NOP2: variants seen among roughly 807,000 people sequenced by gnomAD.
NOP2 encodes the protein NOP2 nucleolar protein.
A neutral mutation model predicts 72.7 loss-of-function variants in NOP2; 7 were observed. The ratio of observed to expected loss-of-function variants is 0.10; its 90% CI spans 0.05 to 0.18. NOP2 has a LOEUF of 0.18. Ranked by LOEUF, NOP2 falls within the 10% of genes least tolerant of loss-of-function variation. NOP2 has a pLI of 1.00. For missense variants in NOP2, 954 were observed against 1,014.7 expected (o/e 0.94, Z 0.81); for synonymous variants, 387 against 388.0 (o/e 1.00, Z 0.03).
At position 6,561,755 on chromosome 12, in the gene NOP2, G is replaced by A. The variant is rs1279898225; in HGVS notation, c.1116C>T (p.Ser372=). ...CCAAGGCCATGACGGGCAACATGCTGGAGGCTCCCTGCAGCATGTAGTGCC... is the reference window on the plus strand; with the variant it reads ...CCAAGGCCATGACGGGCAACATGCTAGAGGCTCCCTGCAGCATGTAGTGCC... ...LAGHYMLQGA[S]SMLPVMALAP... is the part of the protein sequence containing the mutation. The change falls in exon 11 of 16, where the codon TCC becomes TCT. Residue 372 remains serine, a synonymous_variant. Transcript: ENST00000322166. 10 of 1,611,904 alleles carry A rather than the reference G, an allele frequency of 6.2e-6. No homozygotes were observed. Among genetic ancestry groups the A allele is most frequent in the Non-Finnish European group, 8.5e-6 (10 of 1,179,052 alleles).
intron 4 of NOP2, 38 bp downstream of exon 4, chr12:6,566,491 G>A (rs761613875): frequency 1.3e-6 from 2 of 1,589,910 alleles, no homozygotes; most frequent in Non-Finnish European, 1.7e-6. Flanking sequence ...GACCCAAAGG[G>A]ACTCCTCATG....
At chr12:6,561,389 A>T (rs1947646400) in intron 11 of NOP2, among the ~76,000 whole-genome samples, 1 of 152,246 alleles carries the variant, frequency 6.6e-6, no homozygotes, top group African/African-American at 2.4e-5. Flanking sequence ...TTCTAAACGC[A>T]TCATTTTAAC....
At position 6,562,436 on chromosome 12, in the gene NOP2, A is replaced by G. The variant is rs534760357; in HGVS notation, c.979-465T>C. Among the ~76,000 whole-genome samples, 4 of 152,306 alleles carry G rather than the reference A, an allele frequency of 2.6e-5. No homozygotes were observed. In the East Asian group the frequency reaches 7.7e-4, roughly 29 times the overall value. On this transcript the variant is annotated intron_variant, in intron 9 of 15. Transcript: ENST00000322166. Reference sequence around the variant, plus strand: ...CACAGTCATCATGGAGTCATTGAGCAGTTTCTCTCTCCCACTCCATCCTAT... The same window carrying G: ...CACAGTCATCATGGAGTCATTGAGCGGTTTCTCTCTCCCACTCCATCCTAT...
intron 2 of NOP2, among the ~76,000 whole-genome samples, chr12:6,567,059 C>T (rs1947799562): frequency 6.6e-6 from 1 of 151,928 alleles, no homozygotes; most frequent in Admixed American, 6.6e-5. Context: ...CTGCAACCTC[C>T]TTCTCCCAGA....
chr12:6,567,967 AG>A (rs1947828441), intron 1 of NOP2, 45 bp from the exon 2 acceptor site: 1 of 1,469,516 alleles, frequency 6.8e-7, no homozygotes, highest in African/African-American at 1.4e-5. Context: ...CGCGTGTCGG[AG>A]GGAACGGCAG....
At position 6,566,212 on chromosome 12, in the gene NOP2, T is replaced by C; in HGVS notation, c.363A>G (p.Glu121=). 2 of 1,614,016 alleles carry C rather than the reference T, an allele frequency of 1.2e-6. No homozygotes were observed. The highest frequency in any genetic ancestry group is 8.5e-7 in the Non-Finnish European group (1 of 1,179,890). ...CCCCGTGGTTCACCATACCATCTTC[T>C]TCAGAGTCTTCCTCCTCCTCTTCCT... ...SDEEEEEEDS[E]EDGMVNHGDL... The change falls in exon 5 of 16, where the codon GAA becomes GAG. Residue 121 remains glutamate (E), a synonymous_variant. Transcript: ENST00000322166.
At position 6,566,790 on chromosome 12, in the gene NOP2, G is replaced by T. The variant is rs761057281; in HGVS notation, c.136C>A (p.Arg46Ser). The change falls in exon 3 of 16, where the codon CGT becomes AGT. Residue 46 changes from arginine to serine, a missense_variant. Arg to Ser is a moderately radical substitution (Grantham distance 110, BLOSUM62 -1). This residue lies in a region of NOP2 where 498 missense variants were observed against 478.3 expected (regional missense o/e 1.04). Coordinates refer to ENST00000322166, the MANE Select transcript of NOP2 (RefSeq NM_001258308.2). ...SDENSKRLSS[R>S]ARKRAAKRRL... ...ACCCACACTTACCTCTTTCGAGCAC[G>T]ACTAGACAGCCTCTTGGAATTTTCG... 1.2e-5 allele frequency: 19 copies of T among 1,613,122 alleles called. No individual in the cohort carries two copies.
At chr12:6,557,897 C>G (rs957434014) in intron 15 of NOP2, 8 of 462,902 alleles carry the variant, frequency 1.7e-5, no homozygotes, top group Non-Finnish European at 1.9e-5. Context: ...AATTCCAGCA[C>G]TTTGGGAGGC....
chr12:6,558,563 CCT>C lies in NOP2; in HGVS notation c.1790-923_1790-922del, dbSNP rs1947566197. On this transcript the variant is annotated intron_variant, in intron 15 of 15. Transcript: ENST00000322166. The stretch of plus-strand genomic sequence containing the variant: ...TACAGGCGCGAGCCACCACGCCCGG[CCT>C]CGCAGGGTCTTCTAAATGAATTTGA... 2.6e-5 allele frequency among the ~76,000 whole-genome samples: 4 copies of C among 151,974 alleles called. No homozygotes were observed. In the South Asian group the frequency reaches 6.2e-4, roughly 24 times the overall value.
At chr12:6,558,268 T>G (rs1947555946) in intron 15 of NOP2, 1 of 274,834 alleles carries the variant, frequency 3.6e-6, no homozygotes, top group Non-Finnish European at 7.2e-6. Flanking sequence ...CTCAGGGTTT[T>G]GGGGTTTTTT....
rs1592249493 is a variant in NOP2 at position 6,567,753 on chromosome 12, A to G, written c.103+63T>C. On this transcript the variant is annotated intron_variant, in intron 2 of 15. Transcript: ENST00000322166. Reference sequence around the variant, plus strand: ...AAAATGAACAGAAACTAAAAAAGAGAAGAGGTTATAATACAGAATACTGCA... The same window carrying G: ...AAAATGAACAGAAACTAAAAAAGAGGAGAGGTTATAATACAGAATACTGCA... 3.2e-6 allele frequency: 4 copies of G among 1,240,444 alleles called. No individual in the cohort carries two copies. The East Asian group carries it at 9.4e-5, about 29-fold the overall frequency. 76.8% of individuals were successfully genotyped at this position (1,240,444 alleles called of 1,614,324 possible).
chr12:6,566,681 T>G, intron 3 of NOP2, 64 bp from the exon 4 acceptor site: 1 of 1,596,390 alleles, frequency 6.3e-7, no homozygotes, highest in Non-Finnish European at 8.6e-7. Context: ...CTCTGCCATT[T>G]CCACCATAGG....
Position 6,557,329 on chromosome 12 carries a change from T to C in NOP2, c.2103A>G (p.Arg701=). The change falls in exon 16 of 16, where the codon CGA becomes CGG. Residue 701 remains arginine (R), a synonymous_variant. Coordinates refer to ENST00000322166, the MANE Select transcript of NOP2 (RefSeq NM_001258308.2). ...EPKVTGKLKQ[R]SPKLQSSKKV... ...TCTTGGAGGACTGTAATTTAGGTGATCGTTGCTTTAGCTTCCCAGTCACCT... is the reference window on the plus strand; with the variant it reads ...TCTTGGAGGACTGTAATTTAGGTGACCGTTGCTTTAGCTTCCCAGTCACCT... 1 of 1,614,026 alleles carries C rather than the reference T, an allele frequency of 6.2e-7. No homozygotes were observed. Among genetic ancestry groups the C allele is most frequent in the Non-Finnish European group, 8.5e-7 (1 of 1,179,904 alleles).
At chr12:6,567,618 T>C (rs1592249324) in intron 2 of NOP2, 198 bp downstream of exon 2, 1 of 503,142 alleles carries the variant, frequency 2.0e-6, no homozygotes, top group South Asian at 3.0e-5. Context: ...TGAATAATAG[T>C]TGTGTCCGTG....
Position 6,567,847 on chromosome 12 carries a change from G to A in NOP2, c.72C>T (p.Ala24=), listed in dbSNP as rs756813081. 2.5e-6 allele frequency: 4 copies of A among 1,613,878 alleles called. No individual in the cohort carries two copies. The highest frequency in any genetic ancestry group is 2.5e-6 in the Non-Finnish European group (3 of 1,179,888). The change falls in exon 2 of 16, where the codon GCC becomes GCT. Residue 24 remains alanine (A), a synonymous_variant. Coordinates refer to ENST00000322166, the MANE Select transcript of NOP2 (RefSeq NM_001258308.2). ...PGRKARKQKG[A]ETELVRFLPA... is the part of the protein sequence containing the mutation. ...GCAAGAATCTGACGAGTTCTGTCTC[G>A]GCACCCTTCTGCTTCCGGGCCTTTC...
Position 6,557,178 on chromosome 12 carries a change from C to A in NOP2, c.2254G>T (p.Ala752Ser), listed in dbSNP as rs751237191. 1.9e-6 allele frequency: 3 copies of A among 1,614,024 alleles called. No homozygotes were observed. Among genetic ancestry groups the A allele is most frequent in the Non-Finnish European group, 2.5e-6 (3 of 1,179,878 alleles). The change falls in exon 16 of 16, where the codon GCC becomes TCC. Residue 752 changes from alanine (A) to serine (S), a missense_variant. Physicochemically the swap from Ala to Ser is moderately conservative, Grantham distance 99. Around this residue, in one of 3 missense-constraint regions of NOP2, gnomAD observed 269 missense variants for 260.2 expected, o/e 1.03. Coordinates refer to ENST00000322166, the MANE Select transcript of NOP2 (RefSeq NM_001258308.2). ...PKDHHQPLGR[A>S]KGVEKQQLPE... ...AACTGCTGCTTCTCAACCCCCTTGG[C>A]CCTTCCAAGGGGCTGATGATGGTCC...
intron 2 of NOP2, 175 bp downstream of exon 2, chr12:6,567,641 T>G: frequency 1.8e-6 from 1 of 545,898 alleles, no homozygotes; most frequent in Non-Finnish European, 3.2e-6. Flanking sequence ...TTCACATCTC[T>G]ACGACCTAAA....
At position 6,560,168 on chromosome 12, in the gene NOP2, G is replaced by C; in HGVS notation, c.1719C>G (p.Thr573=). ...LRSTRRFYPH[T]HNMDGFFIAK... Reference sequence around the variant, plus strand: ...CAATGAAGAACCCATCCATATTGTGGGTATGAGGGTAGAAGCGTCGGGTAG... The same window carrying C: ...CAATGAAGAACCCATCCATATTGTGCGTATGAGGGTAGAAGCGTCGGGTAG... The change falls in exon 15 of 16, where the codon ACC becomes ACG. Residue 573 remains threonine, a synonymous_variant. Coordinates refer to ENST00000322166, the MANE Select transcript of NOP2 (RefSeq NM_001258308.2). The surrounding 1 kb of genome is among the most constrained non-coding windows in gnomAD (Gnocchi z 5.0). 4 of 1,614,020 alleles carry C rather than the reference G, an allele frequency of 2.5e-6. No homozygotes were observed. Among genetic ancestry groups the C allele is most frequent in the Non-Finnish European group, 3.4e-6 (4 of 1,179,890 alleles).
chr12:6,568,021 A>G, intron 1 of NOP2, 99 bp from the exon 2 acceptor site: 1 of 848,092 alleles, frequency 1.2e-6, no homozygotes. Context: ...GCACAGCCTC[A>G]ACTCAGCACC....
Sources: gnomAD v4.1 joint callset for allele counts (sites outside exome capture counted in the v4.1 genomes callset) on GRCh38, gnomAD v4.1.1 for gene constraint, gnomAD v4.1.1 regional missense constraint, Gnocchi (gnomAD v3.1) non-coding constraint, MANE v1.5 for transcripts, NCBI Gene and HGNC (gene_info 2026-07-23, HGNC 2026-07-21) for gene names.